GGNBP2: variants seen among roughly 807,000 people sequenced by gnomAD.
GGNBP2 encodes the protein gametogenetin binding protein 2.
In GGNBP2, 10 loss-of-function variants were observed where a neutral mutation model predicts 85.9. That is an observed-to-expected ratio of 0.12 (90% CI 0.07 to 0.20). The LOEUF (loss-of-function observed/expected upper bound fraction) is 0.20. Among genes scored for constraint, GGNBP2 ranks in the 10% least tolerant of loss-of-function variants. The pLI is 1.00. For missense variants in GGNBP2, 595 were observed against 857.8 expected (o/e 0.69, Z 3.83); for synonymous variants, 287 against 285.7 (o/e 1.00, Z -0.05).
chr17:36,563,474 A>G (rs1458563296), intron 5 of GGNBP2, among the ~76,000 whole-genome samples: 1 of 151,970 alleles, frequency 6.6e-6, no homozygotes, highest in Non-Finnish European at 1.5e-5. Flanking sequence ...GCATCCTTCC[A>G]CATGCATCTC....
chr17:36,577,759 T>C, intron 6 of GGNBP2: 1 of 581,340 alleles, frequency 1.7e-6, no homozygotes, highest in Non-Finnish European at 3.1e-6. Flanking sequence ...TTTTAGGCTA[T>C]GTGTTTCTCT....
intron 2 of GGNBP2, among the ~76,000 whole-genome samples, chr17:36,550,720 G>T (rs1300684546): frequency 6.6e-6 from 1 of 152,198 alleles, no homozygotes; most frequent in Non-Finnish European, 1.5e-5. Flanking sequence ...ACAATGACTT[G>T]TTCTATTTGT....
At chr17:36,586,909 G>A (rs1475985663) in intron 12 of GGNBP2, 88 bp from the exon 13 acceptor site, 51 of 1,277,330 alleles carry the variant, frequency 4.0e-5, no homozygotes, top group South Asian at 1.9e-4. Context: ...ATGAGCCACC[G>A]TGCCCCGCTT....
At chr17:36,555,520 CCTGTTT>C (rs2074353337) in intron 3 of GGNBP2, among the ~76,000 whole-genome samples, 1 of 152,138 alleles carries the variant, frequency 6.6e-6, no homozygotes, top group South Asian at 2.1e-4. Context: ...ATGGCAAAAC[CCTGTTT>C]CTACAGAAAA....
chr17:36,552,520 T>G (rs924286024), intron 2 of GGNBP2, among the ~76,000 whole-genome samples: 3 of 141,852 alleles, frequency 2.1e-5, no homozygotes, highest in Non-Finnish European at 1.6e-5. Flanking sequence ...TTGATAAAGT[T>G]AATGTATGAA....
chr17:36,573,066 A>G (rs200294144), intron 6 of GGNBP2, among the ~76,000 whole-genome samples: 2 of 152,192 alleles, frequency 1.3e-5, no homozygotes, highest in East Asian at 1.9e-4. Flanking sequence ...ATACTGTGAC[A>G]TTATTTAAAA....
chr17:36,545,691 G>A lies in GGNBP2; in HGVS notation c.-34G>A. On this transcript the variant is annotated 5_prime_UTR_variant, in exon 2 of 14. Transcript: ENST00000613102. ...GCGGCGGCGGCGGCAGCTGGGAGGA[G>A]GTGGTGACGGTGGCAACGGCAGCGT... 6.7e-7 allele frequency: 1 copy of A among 1,503,252 alleles called. No individual in the cohort carries two copies. 93.1% of individuals were successfully genotyped at this position (1,503,252 alleles called of 1,614,324 possible).
intron 8 of GGNBP2, among the ~76,000 whole-genome samples, chr17:36,580,451 C>T (rs945360349): frequency 4.0e-5 from 6 of 151,692 alleles, no homozygotes; most frequent in South Asian, 4.2e-4. Flanking sequence ...CCTCGTGATC[C>T]GCTGCCTGCC....
rs962701015 is a variant in GGNBP2, at chr17:36,575,740, G to A, written c.642-2243G>A. 4.1e-5 allele frequency among the ~76,000 whole-genome samples: 6 copies of A among 145,484 alleles called. No homozygotes were observed. The South Asian group carries it at 6.7e-4, about 16-fold the overall frequency. ...TGGCTCACTGCAACCTCTGCCTCCCGGGTTCAAGCAATTCTCCTGCCTCAG... is the reference window on the plus strand; with the variant it reads ...TGGCTCACTGCAACCTCTGCCTCCCAGGTTCAAGCAATTCTCCTGCCTCAG... On this transcript the variant is annotated intron_variant, in intron 6 of 13. Coordinates refer to ENST00000613102, the MANE Select transcript of GGNBP2 (RefSeq NM_024835.5).
rs569673075 is a variant in GGNBP2 at position 36,572,386 on chromosome 17, G to A, written c.641+4610G>A. 9.2e-5 allele frequency among the ~76,000 whole-genome samples: 14 copies of A among 152,244 alleles called. 1 individual carries two copies. In the South Asian group the frequency reaches 2.7e-3, roughly 29 times the overall value. ...AGACTTTCTGTTCCTGCGCGCGTAT[G>A]TGTATATTTTAAAAGAACACAAAAT... On this transcript the variant is annotated intron_variant, in intron 6 of 13. Transcript: ENST00000613102.
intron 2 of GGNBP2, among the ~76,000 whole-genome samples, chr17:36,551,292 C>T (rs1049380437): frequency 1.1e-4 from 16 of 151,918 alleles, no homozygotes; most frequent in Non-Finnish European, 1.8e-4. Flanking sequence ...CCACAACCTC[C>T]GCCTTCTGGG....
intron 5 of GGNBP2, among the ~76,000 whole-genome samples, chr17:36,561,770 C>T (rs962294726): frequency 5.9e-5 from 9 of 152,008 alleles, no homozygotes; most frequent in East Asian, 3.9e-4. Flanking sequence ...ACTACAGGTG[C>T]GTGCCACCAA....
intron 5 of GGNBP2, 72 bp from the exon 6 acceptor site, chr17:36,567,591 T>C: frequency 2.7e-6 from 2 of 735,546 alleles, no homozygotes; most frequent in African/African-American, 1.8e-5. Context: ...AATACTTTAA[T>C]CTGTTTTTTG....
intron 3 of GGNBP2, among the ~76,000 whole-genome samples, chr17:36,555,360 G>C (rs1246722746): frequency 6.6e-6 from 1 of 152,092 alleles, no homozygotes; most frequent in Non-Finnish European, 1.5e-5. Context: ...ATAGTTCAAG[G>C]ATCCCTAGGC....
At chr17:36,585,573 T>C (rs2074693054) in intron 10 of GGNBP2, 123 bp downstream of exon 10, 1 of 713,632 alleles carries the variant, frequency 1.4e-6, no homozygotes, top group Admixed American at 3.1e-5. Flanking sequence ...TCCAAGAATA[T>C]CATATAATTT....
intron 2 of GGNBP2, among the ~76,000 whole-genome samples, chr17:36,548,213 C>A (rs1194749297): frequency 2.0e-5 from 3 of 152,156 alleles, no homozygotes; most frequent in African/African-American, 7.2e-5. Flanking sequence ...TGTTTACAGG[C>A]AGTTGCAGAC....
chr17:36,557,433 A>C, intron 4 of GGNBP2, 97 bp downstream of exon 4: 1 of 1,036,698 alleles, frequency 9.6e-7, no homozygotes, highest in Non-Finnish European at 1.4e-6. Context: ...ATTGAGTCTG[A>C]TTTAATAATT....
chr17:36,578,377 C>T, intron 7 of GGNBP2, 191 bp downstream of exon 7: 1 of 536,338 alleles, frequency 1.9e-6, no homozygotes, highest in Non-Finnish European at 3.3e-6. Context: ...AAACTGTTCT[C>T]TGGTGTTTGG....
rs2074690329 is a variant in GGNBP2 at position 36,585,356 on chromosome 17, T to C, written c.1272T>C (p.Gly424=). 6.2e-7 allele frequency: 1 copy of C among 1,612,830 alleles called. No homozygotes were observed. The highest frequency in any genetic ancestry group is 8.5e-7 in the Non-Finnish European group (1 of 1,179,040). Residue 424 remains glycine (G), a synonymous_variant, in exon 10 of 14, where the codon GGT becomes GGC. Transcript: ENST00000613102. ...AAGCCTGTGGCAGCACTGAAGATGGTAATACTTGTGTAGAAGTAATTGTTA... is the reference window on the plus strand; with the variant it reads ...AAGCCTGTGGCAGCACTGAAGATGGCAATACTTGTGTAGAAGTAATTGTTA... ...SCKACGSTED[G]NTCVEVIVTN...
Sources: allele counts gnomAD v4.1 joint callset (sites outside exome capture counted in the v4.1 genomes callset), GRCh38; gene constraint gnomAD v4.1.1; transcripts MANE v1.5; gene names NCBI Gene and HGNC (gene_info 2026-07-23, HGNC 2026-07-21).